The following TEX55 variants were observed in gnomAD, a reference collection of about 807,000 sequenced individuals.
TEX55 encodes testis expressed 55, also known as testis-specific expressed protein 55.
In TEX55, 31 loss-of-function variants were observed where a neutral mutation model predicts 44.6. The ratio of observed to expected loss-of-function variants is 0.69; its 90% CI spans 0.52 to 0.94. The LOEUF (loss-of-function observed/expected upper bound fraction) is 0.94. Ranked by LOEUF, TEX55 falls within the 40% of genes least tolerant of loss-of-function variation. TEX55 has a pLI of 0.00. For missense variants in TEX55, 639 were observed against 638.4 expected, an observed-to-expected ratio of 1.00 and a Z score of -0.01; for synonymous variants, 230 against 230.9, an observed-to-expected ratio of 1.00 and a Z score of 0.04.
intron 2 of TEX55, among the ~76,000 whole-genome samples, chr3:119,150,693 G>GT (rs1177965412): frequency 6.6e-6 from 1 of 151,914 alleles, no homozygotes; most frequent in Non-Finnish European, 1.5e-5. Flanking sequence ...TATTCAGAAG[G>GT]TTTTTCTTGT....
Position 119,147,541 on chromosome 3 carries a change from A to G in TEX55, c.1352A>G (p.Asn451Ser). Residue 451 changes from asparagine to serine, a missense_variant, in exon 1 of 3, where the codon AAC (asparagine) becomes AGC (serine). Transcript: ENST00000295622. ...PRLPSISSKL[N>S]YTSSQEKTQA... ...CTCCCCTCCATCTCATCCAAATTGA[A>G]CTATACCAGCAGTCAAGAAAAAACT... is the stretch of plus-strand genomic sequence containing the variant. The G allele has an allele frequency of 6.2e-7, 1 of 1,614,068 alleles. No homozygotes were observed. The highest frequency in any genetic ancestry group is 8.5e-7 in the Non-Finnish European group (1 of 1,180,000).
Position 119,147,501 on chromosome 3 carries a change from G to T in TEX55, c.1312G>T (p.Ala438Ser). 1 of 1,614,030 alleles carries T rather than the reference G, an allele frequency of 6.2e-7. No homozygotes were observed. Among genetic ancestry groups the T allele is most frequent in the Non-Finnish European group, 8.5e-7 (1 of 1,180,024 alleles). ...CAGTAACTTCCAAGCAAAAGACCAA[G>T]CTCTTTTCCCAAGACTCCCCTCCAT... ...FTSNFQAKDQ[A>S]LFPRLPSISS... The change falls in exon 1 of 3, where the codon GCT (alanine) becomes TCT (serine). Residue 438 changes from alanine to serine, a missense_variant. Transcript: ENST00000295622.
chr3:119,147,344 G>A lies in TEX55; in HGVS notation c.1155G>A (p.Glu385=), dbSNP rs750953447. 9.9e-6 allele frequency: 16 copies of A among 1,614,024 alleles called. No homozygotes were observed. The highest frequency in any genetic ancestry group is 1.3e-5 in the African/African-American group (1 of 74,902). The change falls in exon 1 of 3, where the codon GAG becomes GAA. Residue 385 remains glutamate, a synonymous_variant. Coordinates refer to ENST00000295622, the MANE Select transcript of TEX55 (RefSeq NM_152539.3). ...TAGGCAACAGCAAAGAGGACAAAGA[G>A]GCTGACTACAGAGTACAACCCTGCA... The part of the protein sequence containing the change: ...PQLGNSKEDK[E]ADYRVQPCKF...
Position 119,146,251 on chromosome 3 carries a change from C to T in TEX55, c.62C>T (p.Pro21Leu), listed in dbSNP as rs541619232. The change falls in exon 1 of 3, where the codon CCC (proline) becomes CTC (leucine). Residue 21 changes from proline to leucine, a missense_variant. Physicochemically the swap from Pro to Leu is moderately conservative, Grantham distance 98. Transcript: ENST00000295622. Reference protein sequence around the residue: ...EPLKHESPAAPSSAGHTKGQE... With the variant: ...EPLKHESPAALSSAGHTKGQE... Reference sequence around the variant, plus strand: ...TTGAAACATGAAAGCCCAGCCGCTCCCTCAAGTGCTGGCCACACTAAGGGC... The same window carrying T: ...TTGAAACATGAAAGCCCAGCCGCTCTCTCAAGTGCTGGCCACACTAAGGGC... The T allele has an allele frequency of 6.2e-7, 1 of 1,613,970 alleles. No homozygotes were observed. Among genetic ancestry groups the T allele is most frequent in the African/African-American group, 1.3e-5 (1 of 75,030 alleles).
rs756123379 is a variant in TEX55, at chr3:119,146,792, G to A, written c.603G>A (p.Glu201=). The A allele has an allele frequency of 6.2e-7, 1 of 1,614,052 alleles. No individual in the cohort carries two copies. The highest frequency in any genetic ancestry group is 2.2e-5 in the East Asian group (1 of 44,870). ...SEQMDRRMSG[E]AERRTSEQIT... is the part of the protein sequence containing the mutation. ...AGATGGACCGCAGAATGTCTGGCGA[G>A]GCTGAGCGAAGAACTTCTGAGCAGA... is the stretch of plus-strand genomic sequence containing the variant. The change falls in exon 1 of 3, where the codon GAG becomes GAA. Residue 201 remains glutamate (E), a synonymous_variant. Coordinates refer to ENST00000295622, the MANE Select transcript of TEX55 (RefSeq NM_152539.3).
Position 119,147,027 on chromosome 3 carries a change from G to T in TEX55, c.838G>T (p.Gly280Cys), listed in dbSNP as rs778464067. 1.2e-6 allele frequency: 2 copies of T among 1,614,196 alleles called. No homozygotes were observed. The highest frequency in any genetic ancestry group is 4.5e-5 in the East Asian group (2 of 44,888). ...TGAGAAGACTGACTACAGATTGGCT[G>T]GCCTGGCTGACCCAGGAACTTCTGA... ...SSEKTDYRLAGLADPGTSEQT... is the reference protein window; with the variant it reads ...SSEKTDYRLACLADPGTSEQT... Residue 280 changes from glycine to cysteine, a missense_variant, in exon 1 of 3, where the codon GGC becomes TGC. By Grantham distance (159) the Gly-to-Cys change is radical. Transcript: ENST00000295622.
intron 2 of TEX55, 116 bp downstream of exon 2, chr3:119,148,439 A>G (rs577585724): frequency 2.2e-6 from 2 of 925,354 alleles, no homozygotes; most frequent in African/African-American, 1.7e-5. Flanking sequence ...ATTAAGATGT[A>G]GTTACCATAA....
At position 119,146,998 on chromosome 3, in the gene TEX55, G is replaced by A; in HGVS notation, c.809G>A (p.Ser270Asn). 6.2e-7 allele frequency: 1 copy of A among 1,614,236 alleles called. No individual in the cohort carries two copies. The highest frequency in any genetic ancestry group is 1.3e-5 in the African/African-American group (1 of 75,054). Reference sequence around the variant, plus strand: ...ATGTCAGGGAAAGTTAGGAGAAGAAGTTCTGAGAAGACTGACTACAGATTG... The same window carrying A: ...ATGTCAGGGAAAGTTAGGAGAAGAAATTCTGAGAAGACTGACTACAGATTG... ...RRMSGKVRRR[S>N]SEKTDYRLAG... The change falls in exon 1 of 3, where the codon AGT becomes AAT. Residue 270 changes from serine (S) to asparagine (N), a missense_variant. Coordinates refer to ENST00000295622, the MANE Select transcript of TEX55 (RefSeq NM_152539.3).
intron 2 of TEX55, among the ~76,000 whole-genome samples, chr3:119,150,052 ATCCT>A (rs1395733081): frequency 1.3e-5 from 2 of 152,196 alleles, no homozygotes; most frequent in African/African-American, 4.8e-5. Context: ...CAAGTCTCAA[ATCCT>A]AACTTTGCAC....
chr3:119,148,552 G>A (rs2077752507), intron 2 of TEX55, among the ~76,000 whole-genome samples: 2 of 152,132 alleles, frequency 1.3e-5, no homozygotes, highest in Non-Finnish European at 2.9e-5. Flanking sequence ...TTGGCCAAGG[G>A]TTAAATAGCC....
In TEX55 at chr3:119,147,422, A is replaced by C; in HGVS notation, c.1233A>C (p.Glu411Asp). 1 of 1,614,152 alleles carries C rather than the reference A, an allele frequency of 6.2e-7. No individual in the cohort carries two copies. The highest frequency in any genetic ancestry group is 8.5e-7 in the Non-Finnish European group (1 of 1,180,042). ...DLNSKPSVEM[E>D]TQNATTIPPY... ...ATTCCAAGCCTTCAGTTGAAATGGAAACTCAGAATGCAACCACTATCCCAC... is the reference window on the plus strand; with the variant it reads ...ATTCCAAGCCTTCAGTTGAAATGGACACTCAGAATGCAACCACTATCCCAC... Residue 411 changes from glutamate to aspartate, a missense_variant, in exon 1 of 3, where the codon GAA becomes GAC. Physicochemically the swap from Glu to Asp is conservative, Grantham distance 45. Transcript: ENST00000295622.
rs1246781383 is a variant in TEX55 at position 119,146,196 on chromosome 3, G to A, written c.7G>A (p.Glu3Lys). MEEPPQEALAEPL... is the reference protein window; with the variant it reads MEKPPQEALAEPL... ...GTCAGGGACGCGGCAGGAAATGGAA[G>A]AGCCTCCGCAAGAGGCTCTGGCTGA... Residue 3 changes from glutamate (E) to lysine (K), a missense_variant, in exon 1 of 3, where the codon GAG becomes AAG. Physicochemically the swap from Glu to Lys is moderately conservative, Grantham distance 56 (BLOSUM62 1). Transcript: ENST00000295622. 1 of 1,593,342 alleles carries A rather than the reference G, an allele frequency of 6.3e-7. No individual in the cohort carries two copies. Among genetic ancestry groups the A allele is most frequent in the Non-Finnish European group, 8.5e-7 (1 of 1,170,992 alleles).
Position 119,150,010 on chromosome 3 carries a change from G to A in TEX55, c.1543-1214G>A, listed in dbSNP as rs947277927. 5.3e-5 allele frequency among the ~76,000 whole-genome samples: 8 copies of A among 152,234 alleles called. No individual in the cohort carries two copies. The East Asian group carries it at 1.5e-3, about 29-fold the overall frequency. On this transcript the variant is annotated intron_variant, in intron 2 of 2. Coordinates refer to ENST00000295622, the MANE Select transcript of TEX55 (RefSeq NM_152539.3). ...TGAATGCAAAGAAGTAGAGCATGGA[G>A]GAAAGAGCACAGATTTTGTAATCTG...
chr3:119,150,523 T>G (rs2077772359), intron 2 of TEX55, among the ~76,000 whole-genome samples: 1 of 152,136 alleles, frequency 6.6e-6, no homozygotes, highest in South Asian at 2.1e-4. Flanking sequence ...TTTATTATAA[T>G]TTTTTAATTT....
chr3:119,146,396 C>G lies in TEX55; in HGVS notation c.207C>G (p.Ser69Arg). The stretch of plus-strand genomic sequence containing the variant: ...GCCAGGCTGAATCCAGCATATTTAG[C>G]CAAGCTACCAACGGAGTAGCTGAAC... ...VPSQAESSIFSQATNGVAEQN... is the reference protein window; with the variant it reads ...VPSQAESSIFRQATNGVAEQN... The change falls in exon 1 of 3, where the codon AGC becomes AGG. Residue 69 changes from serine (S) to arginine (R), a missense_variant. Physicochemically the swap from Ser to Arg is moderately radical, Grantham distance 110. Transcript: ENST00000295622. 1 of 1,614,146 alleles carries G rather than the reference C, an allele frequency of 6.2e-7. No individual in the cohort carries two copies. The highest frequency in any genetic ancestry group is 1.7e-5 in the Admixed American group (1 of 60,026).
chr3:119,148,408 A>T, intron 2 of TEX55, 85 bp downstream of exon 2: 1 of 1,273,714 alleles, frequency 7.9e-7, no homozygotes, highest in Non-Finnish European at 1.1e-6. Flanking sequence ...GATATATTCT[A>T]ATTGAGAAGA....
Position 119,146,464 on chromosome 3 carries a change from C to T in TEX55, c.275C>T (p.Ser92Phe), listed in dbSNP as rs2077726466. 1 of 1,614,058 alleles carries T rather than the reference C, an allele frequency of 6.2e-7. No homozygotes were observed. The highest frequency in any genetic ancestry group is 1.3e-5 in the African/African-American group (1 of 74,936). ...CCTGGTCAGGCTGGCCGCAGAGCAT[C>T]CAACCCTGCTGATGTTTCTGACCTT... ...STPGQAGRRA[S>F]NPADVSDLRA... The change falls in exon 1 of 3, where the codon TCC becomes TTC. Residue 92 changes from serine to phenylalanine, a missense_variant. Ser to Phe is a radical substitution (Grantham distance 155). Transcript: ENST00000295622.
Position 119,147,028 on chromosome 3 carries a change from G to T in TEX55, c.839G>T (p.Gly280Val), listed in dbSNP as rs2077734223. 6.2e-7 allele frequency: 1 copy of T among 1,614,074 alleles called. No individual in the cohort carries two copies. The highest frequency in any genetic ancestry group is 8.5e-7 in the Non-Finnish European group (1 of 1,180,046). The change falls in exon 1 of 3, where the codon GGC becomes GTC. Residue 280 changes from glycine (G) to valine (V), a missense_variant. Physicochemically the swap from Gly to Val is moderately radical, Grantham distance 109. Coordinates refer to ENST00000295622, the MANE Select transcript of TEX55 (RefSeq NM_152539.3). ...GAGAAGACTGACTACAGATTGGCTG[G>T]CCTGGCTGACCCAGGAACTTCTGAG... Reference protein sequence around the residue: ...SSEKTDYRLAGLADPGTSEQT... With the variant: ...SSEKTDYRLAVLADPGTSEQT...
Position 119,148,148 on chromosome 3 carries a change from A to T in TEX55, c.1399-32A>T, listed in dbSNP as rs777055736. 3 of 1,595,126 alleles carry T rather than the reference A, an allele frequency of 1.9e-6. No homozygotes were observed. The African/African-American group carries it at 4.1e-5, about 22-fold the overall frequency. ...ATTCCTAGGCCCTTCAGGTTTACTA[A>T]GGACTTTTTGGTGGGGGGATTTAAA... On this transcript the variant is annotated intron_variant, in intron 1 of 2. Transcript: ENST00000295622.
Sources: allele counts gnomAD v4.1 joint callset (sites outside exome capture counted in the v4.1 genomes callset), GRCh38; gene constraint gnomAD v4.1.1; transcripts MANE v1.5; gene names NCBI Gene and HGNC (gene_info 2026-07-23, HGNC 2026-07-21).